The following TMEM132B variants were observed in gnomAD, a reference collection of about 807,000 sequenced individuals.
TMEM132B encodes the protein transmembrane protein 132B.
TMEM132B carries 18 observed loss-of-function variants against 90.8 expected under a neutral mutation model. The observed-to-expected ratio is 0.20, with a 90% confidence interval of 0.14 to 0.29. The LOEUF (loss-of-function observed/expected upper bound fraction) is 0.29. Among genes scored for constraint, TMEM132B ranks in the 10% least tolerant of loss-of-function variants. The probability of loss-of-function intolerance (pLI) is 1.00; values close to 1 mark genes in which losing one functional copy is unlikely to be tolerated. For synonymous variants in TMEM132B, 504 were observed against 523.3 expected, an observed-to-expected ratio of 0.96 and a Z score of 0.50; for missense variants, 1,096 against 1,326.8, an observed-to-expected ratio of 0.83 and a Z score of 2.70.
intron 3 of TMEM132B, among the ~76,000 whole-genome samples, chr12:125,511,551 G>A (rs569414610): frequency 6.5e-4 from 99 of 151,704 alleles, no homozygotes; most frequent in South Asian, 1.5e-3. Flanking sequence ...TCACATCTCT[G>A]CTTGAAAAAG....
chr12:125,222,923 C>T (rs563915575), intron 1 of TMEM132B, among the ~76,000 whole-genome samples: 2 of 152,296 alleles, frequency 1.3e-5, no homozygotes, highest in East Asian at 3.9e-4. Context: ...CCATTTTTTT[C>T]ACTATTCTTT....
At chr12:125,551,948 T>C (rs1245505241) in intron 4 of TMEM132B, among the ~76,000 whole-genome samples, 2 of 152,204 alleles carry the variant, frequency 1.3e-5, no homozygotes, top group African/African-American at 4.8e-5. Context: ...GGACAGTCTC[T>C]TCTGCCTGTT....
At chr12:125,355,085 G>T (rs561956778) in intron 2 of TMEM132B, among the ~76,000 whole-genome samples, 4 of 151,924 alleles carry the variant, frequency 2.6e-5, no homozygotes, top group African/African-American at 9.7e-5. Flanking sequence ...CTGCTTGTCT[G>T]GTTGGGGACT....
At chr12:125,376,462 G>A (rs1316390390) in intron 2 of TMEM132B, among the ~76,000 whole-genome samples, 2 of 152,198 alleles carry the variant, frequency 1.3e-5, no homozygotes, top group African/African-American at 4.8e-5. Context: ...AGCAGGTGCC[G>A]CCTTAAGTGA....
chr12:125,529,441 G>T (rs1883586526), intron 4 of TMEM132B, among the ~76,000 whole-genome samples: 1 of 152,134 alleles, frequency 6.6e-6, no homozygotes, highest in Admixed American at 6.5e-5. Flanking sequence ...TTCTTTGAAT[G>T]ATTCTGCCTG....
At chr12:125,499,470 C>T (rs1882640592) in intron 3 of TMEM132B, among the ~76,000 whole-genome samples, 1 of 152,142 alleles carries the variant, frequency 6.6e-6, no homozygotes, top group South Asian at 2.1e-4. Context: ...TGTGCTTCCC[C>T]CTGCAGAGAG....
At chr12:125,533,154 A>G (rs1883691288) in intron 4 of TMEM132B, among the ~76,000 whole-genome samples, 1 of 152,162 alleles carries the variant, frequency 6.6e-6, no homozygotes, top group African/African-American at 2.4e-5. Flanking sequence ...CCCCTTACCT[A>G]TCCTGTAAAA....
chr12:125,480,970 A>G (rs959693588), intron 3 of TMEM132B, among the ~76,000 whole-genome samples: 1 of 152,190 alleles, frequency 6.6e-6, no homozygotes, highest in African/African-American at 2.4e-5. Flanking sequence ...CAAATCAATA[A>G]ACATAATCCA....
rs1225148919 is a variant in TMEM132B at position 125,209,669 on chromosome 12, G to C, written c.67+22803G>C. Reference sequence around the variant, plus strand: ...CACCTCTTTGGCAGATGTGGAGTCTGAGTGGCTCAGACAGGCTGCTCTTTT... The same window carrying C: ...CACCTCTTTGGCAGATGTGGAGTCTCAGTGGCTCAGACAGGCTGCTCTTTT... On this transcript the variant is annotated intron_variant, in intron 1 of 8. Coordinates refer to ENST00000682704, the MANE Select transcript of TMEM132B (RefSeq NM_001366854.1). This position sits in a 1 kb window ranked among gnomAD's most constrained non-coding sequence, Gnocchi z 4.4. 6.6e-6 allele frequency among the ~76,000 whole-genome samples: 1 copy of C among 152,244 alleles called. No individual in the cohort carries two copies. The highest frequency in any genetic ancestry group is 2.4e-5 in the African/African-American group (1 of 41,460).
chr12:125,188,852 CAAAAAAAA>C (rs72059024), intron 1 of TMEM132B, among the ~76,000 whole-genome samples: 1 of 91,208 alleles, frequency 1.1e-5, no homozygotes, highest in African/African-American at 4.4e-5. Flanking sequence ...GGAGGGATGG[CAAAAAAAA>C]AAAAAAAAAA....
chr12:125,271,908 C>T (rs1200682706), intron 1 of TMEM132B, among the ~76,000 whole-genome samples: 1 of 152,138 alleles, frequency 6.6e-6, no homozygotes, highest in Non-Finnish European at 1.5e-5. Flanking sequence ...TAAAAGCAGA[C>T]TCTATCACTA....
chr12:125,334,203 A>G (rs1876880929), intron 1 of TMEM132B, among the ~76,000 whole-genome samples: 1 of 152,234 alleles, frequency 6.6e-6, no homozygotes, highest in African/African-American at 2.4e-5. Flanking sequence ...AAATGCAAAT[A>G]TAAGAGCAAT....
chr12:125,399,355 C>G (rs1363947659), intron 2 of TMEM132B, among the ~76,000 whole-genome samples: 1 of 152,034 alleles, frequency 6.6e-6, no homozygotes, highest in African/African-American at 2.4e-5. Context: ...GTAAAACATG[C>G]CGTAGGCTGG....
chr12:125,559,133 A>G (rs936585233), intron 4 of TMEM132B, among the ~76,000 whole-genome samples: 1 of 152,232 alleles, frequency 6.6e-6, no homozygotes, highest in Non-Finnish European at 1.5e-5. Context: ...AGACTGGCCC[A>G]AGAAGGAGGA....
At chr12:125,355,328 T>A (rs1877731420) in intron 2 of TMEM132B, among the ~76,000 whole-genome samples, 1 of 151,966 alleles carries the variant, frequency 6.6e-6, no homozygotes. Flanking sequence ...GCTTCAGGTG[T>A]GCTTGGATTG....
chr12:125,617,294 T>G (rs1057415231), intron 5 of TMEM132B, among the ~76,000 whole-genome samples: 1 of 152,030 alleles, frequency 6.6e-6, no homozygotes, highest in Non-Finnish European at 1.5e-5. Flanking sequence ...TTGGGCATGC[T>G]GATAGTCACC....
At chr12:125,365,695 T>A (rs1199968571) in intron 2 of TMEM132B, among the ~76,000 whole-genome samples, 1 of 152,078 alleles carries the variant, frequency 6.6e-6, no homozygotes, top group African/African-American at 2.4e-5. Flanking sequence ...AGTTGGCAGT[T>A]TTTTTCTTTC....
chr12:125,310,301 G>A (rs112682725), intron 1 of TMEM132B, among the ~76,000 whole-genome samples: 1 of 152,208 alleles, frequency 6.6e-6, no homozygotes, highest in African/African-American at 2.4e-5. Context: ...CTCCTGGTGG[G>A]CAGTGGCATG....
chr12:125,401,593 G>A (rs1297280878), intron 2 of TMEM132B, among the ~76,000 whole-genome samples: 2 of 152,134 alleles, frequency 1.3e-5, no homozygotes, highest in African/African-American at 2.4e-5. Flanking sequence ...GTTTAGAGAC[G>A]AGAAGGAATG....
Sources: allele counts gnomAD v4.1 joint callset (sites outside exome capture counted in the v4.1 genomes callset), GRCh38; gene constraint gnomAD v4.1.1; non-coding constraint Gnocchi (gnomAD v3.1); transcripts MANE v1.5; gene names NCBI Gene and HGNC (gene_info 2026-07-23, HGNC 2026-07-21).